The following AP1G1 variants were observed in gnomAD, a reference collection of about 807,000 sequenced individuals.
AP1G1 encodes adaptor related protein complex 1 subunit gamma 1.
A neutral mutation model predicts 108.3 loss-of-function variants in AP1G1; 7 were observed. The ratio of observed to expected loss-of-function variants is 0.06; its 90% CI spans 0.04 to 0.12. The LOEUF (loss-of-function observed/expected upper bound fraction) is 0.12. AP1G1 is among the 10% of genes least tolerant of loss of function. The probability of loss-of-function intolerance (pLI) is 1.00; values close to 1 mark genes in which losing one functional copy is unlikely to be tolerated. For missense variants in AP1G1, 756 were observed against 1,010.7 expected, an observed-to-expected ratio of 0.75 and a Z score of 3.42; for synonymous variants, 379 against 353.5, an observed-to-expected ratio of 1.07 and a Z score of -0.81.
intron 13 of AP1G1, among the ~76,000 whole-genome samples, chr16:71,751,111 C>T (rs965454340): frequency 1.1e-4 from 16 of 148,962 alleles, no homozygotes; most frequent in South Asian, 2.1e-4. Flanking sequence ...GCCGAGTTTG[C>T]GCCACTGCAC....
At chr16:71,765,357 C>CACT (rs1241928147) in intron 7 of AP1G1, 132 bp downstream of exon 7, 2 of 599,876 alleles carry the variant, frequency 3.3e-6, no homozygotes, top group African/African-American at 3.8e-5. Context: ...AGAATTGTGT[C>CACT]ACTATTCATT....
chr16:71,796,001 C>T (rs1247212848), intron 1 of AP1G1, among the ~76,000 whole-genome samples: 1 of 152,160 alleles, frequency 6.6e-6, no homozygotes, highest in African/African-American at 2.4e-5. Context: ...CTTTGGGAGG[C>T]CGAGGCAGGT....
Position 71,745,289 on chromosome 16 carries a change from C to T in AP1G1, c.1873-19G>A. The T allele has an allele frequency of 6.2e-7, 1 of 1,613,614 alleles. No homozygotes were observed. The highest frequency in any genetic ancestry group is 1.1e-5 in the South Asian group (1 of 91,018). On this transcript the variant is annotated intron_variant, in intron 18 of 22. Coordinates refer to ENST00000299980, the MANE Select transcript of AP1G1 (RefSeq NM_001128.6). ...CATTGGCCTAAACAAGGTAACAACA[C>T]CTCAATTCATTATTATTTGATTTGT...
At position 71,764,887 on chromosome 16, in the gene AP1G1, TTTTC is replaced by T. The variant is rs146666347; in HGVS notation, c.739-165_739-162del. Among the ~76,000 whole-genome samples, 502 of 152,282 alleles carry T rather than the reference TTTTC, an allele frequency of 3.3e-3. 8 individuals are homozygous for T. Among genetic ancestry groups the T allele is most frequent in the African/African-American group, 0.011 (472 of 41,574 alleles). The stretch of plus-strand genomic sequence containing the variant: ...AAATCAAACAGAAGAATTGAAAACA[TTTTC>T]TTTATTTAGAGAAGCTATATATGCT... On this transcript the variant is annotated intron_variant, in intron 7 of 22. Coordinates refer to ENST00000299980, the MANE Select transcript of AP1G1 (RefSeq NM_001128.6).
Position 71,764,376 on chromosome 16 carries a change from C to T in AP1G1, c.892G>A (p.Asp298Asn), listed in dbSNP as rs769565030. 1 of 1,606,824 alleles carries T rather than the reference C, an allele frequency of 6.2e-7. No homozygotes were observed. The highest frequency in any genetic ancestry group is 1.1e-5 in the South Asian group (1 of 90,194). ...CGCAATCCACTCTCTGACTTAATAT[C>T]CATGATAGTCAAAACCGTTTCATAA... is the stretch of plus-strand genomic sequence containing the variant. ...ILYETVLTIMDIKSESGLRVL... is the reference protein window; with the variant it reads ...ILYETVLTIMNIKSESGLRVL... Residue 298 changes from aspartate (D) to asparagine (N), a missense_variant, in exon 9 of 23, where the codon GAT becomes AAT. Transcript: ENST00000299980.
chr16:71,742,002 A>G (rs747283124), intron 19 of AP1G1, among the ~76,000 whole-genome samples: 10 of 152,256 alleles, frequency 6.6e-5, no homozygotes, highest in Non-Finnish European at 1.5e-4. Context: ...AAATTTCTAT[A>G]TAATGGGGTA....
chr16:71,744,992 T>C (rs1266735288), intron 19 of AP1G1, 152 bp downstream of exon 19: 3 of 793,266 alleles, frequency 3.8e-6, no homozygotes, highest in East Asian at 2.5e-5. Context: ...ATACAACATA[T>C]AACCCGGATA....
chr16:71,734,807 C>T (rs2045513535), intron 21 of AP1G1, 100 bp from the exon 22 acceptor site: 2 of 908,684 alleles, frequency 2.2e-6, no homozygotes, highest in Non-Finnish European at 3.6e-6. Flanking sequence ...GGTCAAGCAA[C>T]AGATTTCACT....
rs1158406455 is a variant in AP1G1, at chr16:71,729,338, A to C, written c.*3720T>G. 6.6e-6 allele frequency: 1 copy of C among 152,366 alleles called. No individual in the cohort carries two copies. Among genetic ancestry groups the C allele is most frequent in the Non-Finnish European group, 1.5e-5 (1 of 67,990 alleles). The allele number at this position is 152,366 out of a possible 1,614,324, so 9.4% of individuals were successfully genotyped here. Reference sequence around the variant, plus strand: ...TTATAGGAACACAGTGGGAGTTCATAAAGGAAAGAGTTCAGAAGCTCTTTC... The same window carrying C: ...TTATAGGAACACAGTGGGAGTTCATCAAGGAAAGAGTTCAGAAGCTCTTTC... On this transcript the variant is annotated 3_prime_UTR_variant, in exon 23 of 23. Transcript: ENST00000299980.
intron 1 of AP1G1, among the ~76,000 whole-genome samples, chr16:71,795,862 G>C (rs1398092345): frequency 6.6e-6 from 1 of 152,200 alleles, no homozygotes; most frequent in Non-Finnish European, 1.5e-5. Context: ...GAAGAAATGT[G>C]TTCACAGAAG....
chr16:71,744,927 A>G (rs992294153), intron 19 of AP1G1, among the ~76,000 whole-genome samples: 1 of 152,178 alleles, frequency 6.6e-6, no homozygotes, highest in Non-Finnish European at 1.5e-5. Flanking sequence ...TTCACCCAAA[A>G]TTAGGAGTTT....
At chr16:71,807,587 C>G (rs2033038385) in intron 1 of AP1G1, among the ~76,000 whole-genome samples, 1 of 152,112 alleles carries the variant, frequency 6.6e-6, no homozygotes, top group Admixed American at 6.6e-5. Context: ...AGGTATTTGA[C>G]AAGTATTCTA....
intron 19 of AP1G1, among the ~76,000 whole-genome samples, chr16:71,741,377 G>A (rs2045619218): frequency 6.6e-6 from 1 of 152,186 alleles, no homozygotes; most frequent in Non-Finnish European, 1.5e-5. Flanking sequence ...GAGGTCAGGA[G>A]TTTGAGACCA....
intron 2 of AP1G1, among the ~76,000 whole-genome samples, chr16:71,778,682 T>TAAA (rs11285281): frequency 7.8e-6 from 1 of 127,630 alleles, no homozygotes; most frequent in Non-Finnish European, 1.6e-5. Context: ...GATTCTGTCT[T>TAAA]AAAAAAAAAA....
chr16:71,758,532 T>G (rs1369091944), intron 11 of AP1G1: 2 of 580,906 alleles, frequency 3.4e-6, no homozygotes, highest in Non-Finnish European at 6.7e-6. Flanking sequence ...AGCTTATCTG[T>G]GCCTGTTGTA....
At chr16:71,759,934 T>C (rs1555553385) in intron 10 of AP1G1, among the ~76,000 whole-genome samples, 2 of 152,160 alleles carry the variant, frequency 1.3e-5, no homozygotes, top group Non-Finnish European at 2.9e-5. Context: ...GTGAGTTTTC[T>C]CTGCTTTTAT....
intron 2 of AP1G1, among the ~76,000 whole-genome samples, chr16:71,787,585 A>G (rs981175883): frequency 2.0e-5 from 3 of 152,244 alleles, no homozygotes; most frequent in African/African-American, 7.2e-5. Context: ...AGGAATTAAG[A>G]GTCTTCTCCC....
chr16:71,756,639 T>G (rs1232935719), intron 11 of AP1G1, among the ~76,000 whole-genome samples: 1 of 152,116 alleles, frequency 6.6e-6, no homozygotes, highest in Non-Finnish European at 1.5e-5. Flanking sequence ...TGCAGAAAAT[T>G]CAAATTAAAA....
intron 1 of AP1G1, among the ~76,000 whole-genome samples, chr16:71,804,092 G>A (rs2032910831): frequency 1.3e-5 from 2 of 151,566 alleles, no homozygotes; most frequent in Admixed American, 6.6e-5. Context: ...CTGTCCCCAG[G>A]CTGGAGTGCA....
Sources: gnomAD v4.1 joint callset for allele counts (sites outside exome capture counted in the v4.1 genomes callset) on GRCh38, gnomAD v4.1.1 for gene constraint, MANE v1.5 for transcripts, NCBI Gene and HGNC (gene_info 2026-07-23, HGNC 2026-07-21) for gene names.